NRXN3: variants seen among roughly 807,000 people sequenced by gnomAD.
The protein encoded by NRXN3 is neurexin 3.
In NRXN3, 32 loss-of-function variants were observed where a neutral mutation model predicts 137.6. The ratio of observed to expected loss-of-function variants is 0.23; its 90% CI spans 0.18 to 0.31. NRXN3 has a LOEUF of 0.31. Among genes scored for constraint, NRXN3 ranks in the 10% least tolerant of loss-of-function variants. The probability of loss-of-function intolerance (pLI) is 1.00; values close to 1 mark genes in which losing one functional copy is unlikely to be tolerated. For synonymous variants in NRXN3, 798 were observed against 784.5 expected, an observed-to-expected ratio of 1.02 and a Z score of -0.29; for missense variants, 1,574 against 2,062.5, an observed-to-expected ratio of 0.76 and a Z score of 4.59.
At chr14:78,715,221 T>G in intron 8 of NRXN3, 82 bp downstream of exon 8, 11 of 1,512,556 alleles carry the variant, frequency 7.3e-6, no homozygotes, top group Non-Finnish European at 9.8e-6. Flanking sequence ...GCCCAAGCCT[T>G]CGCACCTACC....
chr14:79,658,270 C>T (rs560516184), intron 16 of NRXN3, among the ~76,000 whole-genome samples: 1 of 152,304 alleles, frequency 6.6e-6, no homozygotes, highest in South Asian at 2.1e-4. Context: ...AAAATATTTA[C>T]TGAGCACCTA....
At chr14:79,855,837 T>C (rs1259891378) in intron 20 of NRXN3, among the ~76,000 whole-genome samples, 2 of 152,166 alleles carry the variant, frequency 1.3e-5, no homozygotes, top group Non-Finnish European at 2.9e-5. Context: ...AATATTTGCA[T>C]TGATGGTTTG....
chr14:78,642,394 C>A lies in NRXN3; in HGVS notation c.758-2726C>A, dbSNP rs118105301. 9.7e-3 allele frequency among the ~76,000 whole-genome samples: 1,475 copies of A among 152,278 alleles called. 15 individuals carry two copies. The highest frequency in any genetic ancestry group is 0.015 in the Non-Finnish European group (1,048 of 68,008). ...CTAATTATATAAAAAATATTAAGCA[C>A]CATGTAGCACATTAAATAATATCTG... On this transcript the variant is annotated intron_variant, in intron 4 of 20. Coordinates refer to ENST00000335750, the MANE Select transcript of NRXN3 (RefSeq NM_001330195.2).
intron 4 of NRXN3, among the ~76,000 whole-genome samples, chr14:78,550,246 G>A (rs948093824): frequency 2.6e-5 from 4 of 151,986 alleles, no homozygotes; most frequent in Non-Finnish European, 5.9e-5. Flanking sequence ...TATTTCCCAG[G>A]CTGGAATTCC....
intron 20 of NRXN3, among the ~76,000 whole-genome samples, chr14:79,814,509 T>A (rs1352787700): frequency 6.6e-6 from 1 of 152,202 alleles, no homozygotes; most frequent in Admixed American, 6.5e-5. Flanking sequence ...TTTACCTGAC[T>A]TAAGGAGGAA....
intron 16 of NRXN3, among the ~76,000 whole-genome samples, chr14:79,568,053 A>T (rs2097566364): frequency 6.6e-6 from 1 of 152,154 alleles, no homozygotes; most frequent in African/African-American, 2.4e-5. Context: ...TTTCAATCAC[A>T]ATTCAATGGA....
intron 19 of NRXN3, among the ~76,000 whole-genome samples, chr14:79,800,546 C>T (rs1157270940): frequency 6.6e-6 from 1 of 152,162 alleles, no homozygotes; most frequent in African/African-American, 2.4e-5. Context: ...GGAAAATACA[C>T]AGACATGCAG....
chr14:78,868,180 C>T (rs2099092154), intron 10 of NRXN3, among the ~76,000 whole-genome samples: 1 of 151,764 alleles, frequency 6.6e-6, no homozygotes, highest in Non-Finnish European at 1.5e-5. Flanking sequence ...TCTTTCTCCC[C>T]TGTATAGGCA....
chr14:78,781,704 G>T (rs912057980), intron 8 of NRXN3, among the ~76,000 whole-genome samples: 10 of 152,108 alleles, frequency 6.6e-5, no homozygotes, highest in Admixed American at 2.6e-4. Flanking sequence ...ACCAACTAGG[G>T]ACATAAAGAA....
At chr14:78,275,613 T>C (rs994097568) in intron 2 of NRXN3, among the ~76,000 whole-genome samples, 1 of 152,174 alleles carries the variant, frequency 6.6e-6, no homozygotes, top group African/African-American at 2.4e-5. Context: ...TCCTGATAAT[T>C]CCAGTAAAAT....
At chr14:78,850,473 A>G in intron 10 of NRXN3, among the ~76,000 whole-genome samples, 1 of 152,080 alleles carries the variant, frequency 6.6e-6, no homozygotes, top group Non-Finnish European at 1.5e-5. Context: ...ACAAAAGGTT[A>G]AATAGAAAGG....
intron 1 of NRXN3, among the ~76,000 whole-genome samples, chr14:78,179,824 G>GTTTTTTTTTTTTTTTTTT (rs1566912649): frequency 7.9e-5 from 1 of 12,622 alleles, no homozygotes; most frequent in Non-Finnish European, 2.2e-4. Context: ...TTTTTTTTTT[G>GTTTTTTTTTTTTTTTTTT]TTTGTTTCTG....
intron 15 of NRXN3, among the ~76,000 whole-genome samples, chr14:79,220,141 T>A (rs963250863): frequency 2.0e-5 from 3 of 152,222 alleles, no homozygotes; most frequent in African/African-American, 7.2e-5. Flanking sequence ...TTCACATCTG[T>A]AAACTGAGAT....
chr14:78,216,257 G>A (rs139682823), intron 1 of NRXN3, among the ~76,000 whole-genome samples: 1,782 of 151,834 alleles, frequency 0.012, 16 homozygotes, highest in Non-Finnish European at 0.019. Flanking sequence ...TCTTTTCTTT[G>A]GTCCAGGTGT....
intron 4 of NRXN3, among the ~76,000 whole-genome samples, chr14:78,528,294 A>T (rs546424476): frequency 1.3e-5 from 2 of 152,160 alleles, no homozygotes; most frequent in African/African-American, 4.8e-5. Flanking sequence ...GCCTTTCAAG[A>T]TGTTGGCAAT....
intron 10 of NRXN3, among the ~76,000 whole-genome samples, chr14:78,893,911 A>G (rs2099166374): frequency 6.6e-6 from 1 of 151,982 alleles, no homozygotes; most frequent in Admixed American, 6.6e-5. Context: ...TTTTTACTCT[A>G]TAGTCTATTA....
intron 2 of NRXN3, among the ~76,000 whole-genome samples, chr14:78,253,280 G>A (rs578197741): frequency 1.3e-5 from 2 of 152,346 alleles, no homozygotes; most frequent in East Asian, 3.9e-4. Context: ...TGTGGATCAT[G>A]TGGCCCTGTT....
chr14:78,662,409 C>T (rs80345677), intron 6 of NRXN3, among the ~76,000 whole-genome samples: 1,611 of 152,056 alleles, frequency 0.011, 26 homozygotes, highest in African/African-American at 0.036. Flanking sequence ...AAATGTGGCC[C>T]ATATATCCTT....
chr14:79,065,214 G>A (rs1308387747), intron 15 of NRXN3, among the ~76,000 whole-genome samples: 1 of 152,016 alleles, frequency 6.6e-6, no homozygotes, highest in Non-Finnish European at 1.5e-5. Flanking sequence ...CATTTTTGAT[G>A]TATAGGTCCC....
Sources: allele counts gnomAD v4.1 joint callset (sites outside exome capture counted in the v4.1 genomes callset), GRCh38; gene constraint gnomAD v4.1.1; transcripts MANE v1.5; gene names NCBI Gene and HGNC (gene_info 2026-07-23, HGNC 2026-07-21).